ANKRD62: variants seen among roughly 807,000 people sequenced by gnomAD.
ANKRD62 encodes ankyrin repeat domain 62.
Under a neutral mutation model 98.8 loss-of-function variants are expected in ANKRD62, and 61 were observed. The ratio of observed to expected loss-of-function variants is 0.62; its 90% CI spans 0.50 to 0.76. ANKRD62 has a LOEUF of 0.76. Ranked by LOEUF, ANKRD62 falls within the 30% of genes least tolerant of loss-of-function variation. ANKRD62 has a pLI of 0.00. For missense variants in ANKRD62, 933 were observed against 1,082.9 expected, an observed-to-expected ratio of 0.86 and a Z score of 1.94; for synonymous variants, 341 against 367.9, an observed-to-expected ratio of 0.93 and a Z score of 0.84.
Position 12,115,105 on chromosome 18 carries a change from C to T in ANKRD62, c.1082C>T (p.Ser361Phe). The change falls in exon 9 of 14, where the codon TCT (serine) becomes TTT (phenylalanine). Residue 361 changes from serine to phenylalanine, a missense_variant. Physicochemically the swap from Ser to Phe is radical, Grantham distance 155. Coordinates refer to ENST00000587848, the MANE Select transcript of ANKRD62 (RefSeq NM_001277333.2). The part of the protein sequence containing the change: ...GEFDRLARKT[S>F]NEKSKVKSQI... ...TTTTTTAGGCTTGCAAGGAAAACCT[C>T]TAATGAAAAGAGCAAGGTATTATAA... The T allele has an allele frequency of 7.2e-7, 1 of 1,394,484 alleles. No individual in the cohort carries two copies. The highest frequency in any genetic ancestry group is 9.3e-7 in the Non-Finnish European group (1 of 1,080,734). The allele number at this position is 1,394,484 out of a possible 1,614,324, so 86.4% of individuals were successfully genotyped here. A position where few individuals can be genotyped will look rare whatever the true frequency, so the allele number is the denominator to read the frequency against.
At chr18:12,116,572 C>T (rs1321334552) in intron 10 of ANKRD62, among the ~76,000 whole-genome samples, 2 of 152,140 alleles carry the variant, frequency 1.3e-5, no homozygotes, top group Non-Finnish European at 1.5e-5. Context: ...AAACCTGAAA[C>T]ACTTCTGGTC....
the ANKRD62 span, among the ~76,000 whole-genome samples, chr18:12,159,683 C>T: frequency 6.6e-6 from 1 of 152,112 alleles, no homozygotes; most frequent in East Asian, 1.9e-4. Flanking sequence ...GTAATGTCTG[C>T]CCTGAGGACA....
the ANKRD62 span, among the ~76,000 whole-genome samples, chr18:12,165,898 T>C: frequency 6.6e-6 from 1 of 152,126 alleles, no homozygotes; most frequent in African/African-American, 2.4e-5. Context: ...TTTTGCCAGA[T>C]ATACTATTCT....
At chr18:12,096,111 T>C in intron 3 of ANKRD62, 85 bp from the exon 4 acceptor site, 1 of 901,692 alleles carries the variant, frequency 1.1e-6, no homozygotes, top group Non-Finnish European at 1.7e-6. Flanking sequence ...CATGTTTAAG[T>C]TCATAGGATC....
chr18:12,170,143 G>A, the ANKRD62 span, among the ~76,000 whole-genome samples: 2 of 152,164 alleles, frequency 1.3e-5, no homozygotes, highest in Admixed American at 6.5e-5. Flanking sequence ...GCTCTGCTCT[G>A]ATCTTAGTTA....
the ANKRD62 span, among the ~76,000 whole-genome samples, chr18:12,175,804 G>A: frequency 3.9e-5 from 6 of 151,974 alleles, no homozygotes; most frequent in Non-Finnish European, 8.8e-5. Flanking sequence ...CTTGCATGGA[G>A]GAAACTTAGG....
intron 5 of ANKRD62, 42 bp downstream of exon 5, chr18:12,097,819 A>T: frequency 6.5e-7 from 1 of 1,527,064 alleles, no homozygotes. Context: ...TTGAGGTTTA[A>T]AGTCATTGTA....
rs1463521376 is a variant in ANKRD62, at chr18:12,097,778, G to GT, written c.752+2dup. ...ACGCTGTTGCTTCTAAGTTTCAAGC[G>GT]TAAGTGTTAAAAAGGCTAGTGAACA... On this transcript the variant is annotated splice_donor_variant, in intron 5 of 13. Transcript: ENST00000587848. LOFTEE classifies it high-confidence loss of function. 3.9e-6 allele frequency: 6 copies of GT among 1,535,152 alleles called. No homozygotes were observed. Among genetic ancestry groups the GT allele is most frequent in the Non-Finnish European group, 5.2e-6 (6 of 1,146,052 alleles).
At chr18:12,175,930 A>G in the ANKRD62 span, among the ~76,000 whole-genome samples, 71 of 151,948 alleles carry the variant, frequency 4.7e-4, 2 homozygotes, top group African/African-American at 1.5e-3. Context: ...GGTGGCTCAC[A>G]CCTGTAATCC....
In ANKRD62 at chr18:12,125,545, T is replaced by G. The variant is rs1401685042; in HGVS notation, c.1724T>G (p.Ile575Arg). Reference sequence around the variant, plus strand: ...GAAATTGCCAGACTCAGGCTGGAAATAGACACAATAAAACATCAGAACCAG... The same window carrying G: ...GAAATTGCCAGACTCAGGCTGGAAAGAGACACAATAAAACATCAGAACCAG... ...RDEIARLRLE[I>R]DTIKHQNQET... The change falls in exon 13 of 14, where the codon ATA becomes AGA. Residue 575 changes from isoleucine to arginine, a missense_variant. Physicochemically the swap from Ile to Arg is moderately conservative, Grantham distance 97 (BLOSUM62 -3). Coordinates refer to ENST00000587848, the MANE Select transcript of ANKRD62 (RefSeq NM_001277333.2). The G allele has an allele frequency of 6.6e-7, 1 of 1,522,700 alleles. No individual in the cohort carries two copies. The highest frequency in any genetic ancestry group is 1.4e-5 in the African/African-American group (1 of 71,746). The allele number at this position is 1,522,700 out of a possible 1,614,324, so 94.3% of individuals were successfully genotyped here. A position where few individuals can be genotyped will look rare whatever the true frequency, so the allele number is the denominator to read the frequency against.
At chr18:12,116,028 T>G (rs764028851) in intron 10 of ANKRD62, among the ~76,000 whole-genome samples, 2 of 152,170 alleles carry the variant, frequency 1.3e-5, no homozygotes, top group African/African-American at 2.4e-5. Flanking sequence ...TTCCATACCC[T>G]TGTTTCTCTG....
intron 1 of ANKRD62, among the ~76,000 whole-genome samples, 167 bp from the exon 2 acceptor site, chr18:12,095,004 C>T (rs565925393): frequency 6.6e-6 from 1 of 151,828 alleles, no homozygotes; most frequent in African/African-American, 2.4e-5. Flanking sequence ...CTGGCAGCCT[C>T]AGCAGCACCT....
the ANKRD62 span, among the ~76,000 whole-genome samples, chr18:12,172,304 T>C: frequency 0.028 from 4,289 of 152,284 alleles, 214 homozygotes; most frequent in African/African-American, 0.097. Context: ...ATGATGGTGA[T>C]GTACAGATGG....
intron 4 of ANKRD62, among the ~76,000 whole-genome samples, chr18:12,096,609 G>A (rs572930082): frequency 3.4e-4 from 51 of 152,226 alleles, no homozygotes; most frequent in African/African-American, 1.1e-3. Flanking sequence ...TAAAAGTGTA[G>A]ACTTCAACTT....
chr18:12,162,714 G>A, the ANKRD62 span, among the ~76,000 whole-genome samples: 1 of 152,084 alleles, frequency 6.6e-6, no homozygotes, highest in Non-Finnish European at 1.5e-5. Context: ...CAGGGGTCTA[G>A]TTTCATGCTT....
At chr18:12,162,827 G>A in the ANKRD62 span, among the ~76,000 whole-genome samples, 2 of 151,978 alleles carry the variant, frequency 1.3e-5, no homozygotes, top group African/African-American at 4.8e-5. Context: ...GTTTACTGTA[G>A]GTGTGTAGAT....
chr18:12,111,402 A>G (rs1909535892), intron 8 of ANKRD62, among the ~76,000 whole-genome samples: 1 of 152,196 alleles, frequency 6.6e-6, no homozygotes, highest in South Asian at 2.1e-4. Context: ...TTGAAGGAAC[A>G]TACCTCAAAA....
the ANKRD62 span, among the ~76,000 whole-genome samples, chr18:12,164,386 C>CT: frequency 6.6e-6 from 1 of 151,632 alleles, no homozygotes; most frequent in Admixed American, 6.6e-5. Flanking sequence ...GGTCTTCTCC[C>CT]TTTTTTTCTT....
At chr18:12,103,390 A>G (rs1909348435) in intron 7 of ANKRD62, among the ~76,000 whole-genome samples, 162 bp downstream of exon 7, 1 of 152,180 alleles carries the variant, frequency 6.6e-6, no homozygotes, top group South Asian at 2.1e-4. Flanking sequence ...TGTTCTAAGA[A>G]TCTACAGTGA....
Sources: gnomAD v4.1 joint callset for allele counts (sites outside exome capture counted in the v4.1 genomes callset) on GRCh38, gnomAD v4.1.1 for gene constraint, MANE v1.5 for transcripts, NCBI Gene and HGNC (gene_info 2026-07-23, HGNC 2026-07-21) for gene names.